DOK6: variants seen among roughly 807,000 people sequenced by gnomAD.
The protein encoded by DOK6 is downstream of tyrosine kinase 6.
A neutral mutation model predicts 44.0 loss-of-function variants in DOK6; 22 were observed. The observed-to-expected ratio is 0.50, with a 90% CI of 0.36 to 0.71. DOK6 has a LOEUF of 0.71. Ranked by LOEUF, DOK6 falls within the 30% of genes least tolerant of loss-of-function variation. The pLI, the probability that DOK6 is intolerant of heterozygous loss-of-function variation, is 0.00. For missense variants in DOK6, 340 were observed against 416.4 expected, an observed-to-expected ratio of 0.82 and a Z score of 1.60; for synonymous variants, 166 against 145.5, an observed-to-expected ratio of 1.14 and a Z score of -1.01.
intron 7 of DOK6, among the ~76,000 whole-genome samples, chr18:69,787,389 C>T (rs978139888): frequency 7.2e-5 from 11 of 152,144 alleles, no homozygotes; most frequent in African/African-American, 2.2e-4. Context: ...TTGTAACATA[C>T]GTATTTAGAC....
intron 1 of DOK6, among the ~76,000 whole-genome samples, chr18:69,438,433 C>G (rs1419185166): frequency 6.6e-6 from 1 of 152,166 alleles, no homozygotes; most frequent in East Asian, 1.9e-4. Context: ...GGTTCCACTT[C>G]TAATTTTAGT....
chr18:69,822,222 C>T (rs979454325), intron 7 of DOK6, among the ~76,000 whole-genome samples: 3 of 152,066 alleles, frequency 2.0e-5, no homozygotes, highest in South Asian at 2.1e-4. Flanking sequence ...CCACCTTTAG[C>T]GTGGGAATTG....
chr18:69,423,854 C>T (rs1978563758), intron 1 of DOK6, among the ~76,000 whole-genome samples: 1 of 152,082 alleles, frequency 6.6e-6, no homozygotes, highest in East Asian at 1.9e-4. Context: ...ATAATTGAGG[C>T]CTGGTGTATA....
At chr18:69,827,630 AAG>A (rs1981779515) in intron 7 of DOK6, among the ~76,000 whole-genome samples, 1 of 152,058 alleles carries the variant, frequency 6.6e-6, no homozygotes, top group South Asian at 2.1e-4. Flanking sequence ...GACTAAATGC[AAG>A]CTTAACCCTG....
intron 5 of DOK6, among the ~76,000 whole-genome samples, chr18:69,730,108 G>A (rs532425036): frequency 2.5e-4 from 38 of 152,268 alleles, no homozygotes; most frequent in Admixed American, 1.6e-3. Flanking sequence ...AAAACAACTG[G>A]AGTCAAAACA....
At chr18:69,804,590 G>A (rs951242401) in intron 7 of DOK6, among the ~76,000 whole-genome samples, 2 of 152,110 alleles carry the variant, frequency 1.3e-5, no homozygotes, top group South Asian at 4.1e-4. Context: ...TAGAAAATCA[G>A]TGGCATGTAT....
chr18:69,554,009 C>T (rs1982628682), intron 1 of DOK6, among the ~76,000 whole-genome samples: 1 of 152,090 alleles, frequency 6.6e-6, no homozygotes, highest in South Asian at 2.1e-4. Flanking sequence ...CTATCTGTTC[C>T]TATATCACTT....
intron 7 of DOK6, among the ~76,000 whole-genome samples, chr18:69,772,190 C>T (rs1979908058): frequency 6.6e-6 from 1 of 151,422 alleles, no homozygotes; most frequent in East Asian, 1.9e-4. Flanking sequence ...ATAAATAAAA[C>T]AAATATTGAG....
chr18:69,727,253 C>T (rs1418201332), intron 5 of DOK6, among the ~76,000 whole-genome samples: 1 of 152,150 alleles, frequency 6.6e-6, no homozygotes, highest in Non-Finnish European at 1.5e-5. Flanking sequence ...ACTACCATCA[C>T]ACCAAGAATA....
chr18:69,548,508 A>G (rs1435893219), intron 1 of DOK6, among the ~76,000 whole-genome samples: 1 of 151,548 alleles, frequency 6.6e-6, no homozygotes, highest in African/African-American at 2.4e-5. Context: ...TTTTGTACAA[A>G]GGACGGCCCA....
At chr18:69,808,406 T>C (rs1419053823) in intron 7 of DOK6, among the ~76,000 whole-genome samples, 2 of 146,968 alleles carry the variant, frequency 1.4e-5, no homozygotes, top group Non-Finnish European at 3.0e-5. Flanking sequence ...AACCCTAAAG[T>C]TAGCAGAAGG....
At chr18:69,518,383 T>C (rs12967304) in intron 1 of DOK6, among the ~76,000 whole-genome samples, 29,920 of 152,010 alleles carry the variant, frequency 0.2, 3,173 homozygotes, top group African/African-American at 0.24. Flanking sequence ...TCCTCTTTTG[T>C]CTGCCTCTCT....
At chr18:69,728,235 ACC>A (rs1978320835) in intron 5 of DOK6, among the ~76,000 whole-genome samples, 1 of 152,158 alleles carries the variant, frequency 6.6e-6, no homozygotes, top group African/African-American at 2.4e-5. Context: ...CTATCTAGAG[ACC>A]AATTTATTTC....
chr18:69,448,960 G>C (rs949300999), intron 1 of DOK6, among the ~76,000 whole-genome samples: 2 of 152,070 alleles, frequency 1.3e-5, no homozygotes, highest in African/African-American at 2.4e-5. Context: ...CAAATAATTT[G>C]TCACCCAAAT....
At chr18:69,401,374 G>GT (rs1916095860) in intron 1 of DOK6, 64 bp downstream of exon 1, 7 of 1,421,768 alleles carry the variant, frequency 4.9e-6, no homozygotes, top group African/African-American at 1.5e-5. Context: ...CTGCCTGGGG[G>GT]GGGGGCAGGG....
intron 3 of DOK6, among the ~76,000 whole-genome samples, chr18:69,670,809 G>A (rs1198833710): frequency 6.6e-6 from 1 of 151,946 alleles, no homozygotes; most frequent in Non-Finnish European, 1.5e-5. Context: ...TGCCTGGCCT[G>A]TGCATCACAT....
At chr18:69,816,667 C>A (rs187908824) in intron 7 of DOK6, among the ~76,000 whole-genome samples, 2 of 152,270 alleles carry the variant, frequency 1.3e-5, no homozygotes, top group Admixed American at 6.5e-5. Flanking sequence ...AAACCTGGAG[C>A]CTTTCAGTGA....
intron 5 of DOK6, among the ~76,000 whole-genome samples, chr18:69,727,449 CT>C (rs1420770820): frequency 1.9e-4 from 29 of 152,298 alleles, no homozygotes; most frequent in Admixed American, 6.5e-4. Context: ...AAAAGAGCCT[CT>C]TTAGTGATAA....
intron 2 of DOK6, among the ~76,000 whole-genome samples, chr18:69,596,917 T>A (rs566293830): frequency 2.6e-5 from 4 of 152,234 alleles, no homozygotes; most frequent in African/African-American, 7.2e-5. Flanking sequence ...GCAGCAAAGT[T>A]GTATCGACTA....
Sources: gnomAD v4.1 joint callset for allele counts (sites outside exome capture counted in the v4.1 genomes callset) on GRCh38, gnomAD v4.1.1 for gene constraint, MANE v1.5 for transcripts, NCBI Gene and HGNC (gene_info 2026-07-23, HGNC 2026-07-21) for gene names.